Variants in SUPT3H observed in about 807,000 individuals in gnomAD.
SUPT3H encodes transcription initiation protein SPT3 homolog.
A neutral mutation model predicts 44.3 loss-of-function variants in SUPT3H; 44 were observed. The observed-to-expected ratio is 0.99, with a 90% CI of 0.78 to 1.28. The LOEUF (loss-of-function observed/expected upper bound fraction) is 1.28, where lower values mean the gene tolerates loss of function less well. Ranked by LOEUF, SUPT3H falls within the 50% of genes most tolerant of loss-of-function variation. SUPT3H has a pLI of 0.00. For missense variants in SUPT3H, 380 were observed against 387.1 expected, an observed-to-expected ratio of 0.98 and a Z score of 0.15; for synonymous variants, 124 against 125.6, an observed-to-expected ratio of 0.99 and a Z score of 0.09.
chr6:44,813,860 T>C (rs1236111238), intron 11 of SUPT3H, among the ~76,000 whole-genome samples: 1 of 151,802 alleles, frequency 6.6e-6, no homozygotes, highest in Non-Finnish European at 1.5e-5. Context: ...ATATAATGTA[T>C]GGTTAAAAAA....
intron 3 of SUPT3H, among the ~76,000 whole-genome samples, chr6:45,027,438 C>T (rs765941919): frequency 1.3e-4 from 20 of 152,110 alleles, no homozygotes; most frequent in Non-Finnish European, 2.8e-4. Flanking sequence ...AATCCTTGTA[C>T]ATTAATTTTA....
intron 2 of SUPT3H, among the ~76,000 whole-genome samples, chr6:45,352,158 C>T (rs576144849): frequency 6.6e-6 from 1 of 152,266 alleles, no homozygotes; most frequent in East Asian, 1.9e-4. Context: ...AGCAATCTAA[C>T]TAAAAATCCT....
At chr6:45,365,355 G>T in intron 1 of SUPT3H, 54 bp from the exon 2 acceptor site, 1 of 1,158,590 alleles carries the variant, frequency 8.6e-7, no homozygotes, top group African/African-American at 1.6e-5. Context: ...ATAAGTAAAT[G>T]CAAAAAAAAA....
Position 45,281,293 on chromosome 6 carries a change from C to G in SUPT3H, c.101+83908G>C, listed in dbSNP as rs1417445938. ...AAGCATAAATCGAAGTAGGGCAAGG[C>G]ATCGCATCACCCGCGAAGCGCAAGG... On this transcript the variant is annotated intron_variant, in intron 2 of 10. Coordinates refer to ENST00000371459, the MANE Select transcript of SUPT3H (RefSeq NM_003599.4). Among the ~76,000 whole-genome samples the G allele has an allele frequency of 5.3e-5, 8 of 152,330 alleles. No individual in the cohort carries two copies. In the East Asian group the frequency reaches 1.5e-3, roughly 29 times the overall value.
rs1338192149 is a variant in SUPT3H at position 45,076,355 on chromosome 6, CT to C, written c.186+29566del. ...TATGAACTATGCAAAGGTTTTACAG[CT>C]GGTTTTGATCAGCTTCCTTTGTTTA... On this transcript the variant is annotated intron_variant, in intron 3 of 10. Transcript: ENST00000371459. Among the ~76,000 whole-genome samples the C allele has an allele frequency of 2.6e-5, 4 of 152,182 alleles. No individual in the cohort carries two copies. The East Asian group carries it at 5.8e-4, about 22-fold the overall frequency.
chr6:44,896,989 G>C (rs1280672514), intron 10 of SUPT3H, among the ~76,000 whole-genome samples: 1 of 152,164 alleles, frequency 6.6e-6, no homozygotes, highest in Non-Finnish European at 1.5e-5. Context: ...ATCTATTTCT[G>C]AGTATGTGAC....
At chr6:45,118,934 A>C (rs1375974909) in intron 2 of SUPT3H, among the ~76,000 whole-genome samples, 1 of 152,184 alleles carries the variant, frequency 6.6e-6, no homozygotes, top group African/African-American at 2.4e-5. Context: ...CACTGCCATG[A>C]AAGTATGACA....
Position 45,018,660 on chromosome 6 carries a change from C to T in SUPT3H, c.273+1886G>A, listed in dbSNP as rs192600197. ...ATGCTGGATTACATTTATTGATTTG[C>T]GTATATTGAACTAGCCTTGCATACC... is the stretch of plus-strand genomic sequence containing the variant. On this transcript the variant is annotated intron_variant, in intron 4 of 10. Coordinates refer to ENST00000371459, the MANE Select transcript of SUPT3H (RefSeq NM_003599.4). 2.3e-3 allele frequency among the ~76,000 whole-genome samples: 344 copies of T among 151,990 alleles called. 3 individuals are homozygous for T. Among genetic ancestry groups the T allele is most frequent in the African/African-American group, 7.6e-3 (315 of 41,502 alleles).
intron 2 of SUPT3H, among the ~76,000 whole-genome samples, chr6:45,302,006 G>C (rs2149929482): frequency 6.6e-6 from 1 of 152,196 alleles, no homozygotes; most frequent in African/African-American, 2.4e-5. Context: ...TTTTGAGATG[G>C]GCCAGTTTTC....
At chr6:45,339,786 T>G (rs1789379074) in intron 2 of SUPT3H, among the ~76,000 whole-genome samples, 1 of 152,208 alleles carries the variant, frequency 6.6e-6, no homozygotes, top group Non-Finnish European at 1.5e-5. Context: ...TTAGACAACA[T>G]ATTTTGAAAA....
At chr6:45,342,243 T>C (rs1789938327) in intron 2 of SUPT3H, among the ~76,000 whole-genome samples, 1 of 152,070 alleles carries the variant, frequency 6.6e-6, no homozygotes, top group Admixed American at 6.6e-5. Flanking sequence ...AAAAATAGAA[T>C]ACTAAGTTAT....
chr6:45,253,797 T>A (rs554364067), intron 2 of SUPT3H, among the ~76,000 whole-genome samples: 1 of 138,864 alleles, frequency 7.2e-6, no homozygotes, highest in Non-Finnish European at 1.6e-5. Context: ...CTAAAATAAA[T>A]AAATAAAATG....
intron 2 of SUPT3H, among the ~76,000 whole-genome samples, chr6:45,333,686 C>T (rs1194331511): frequency 6.6e-6 from 1 of 151,098 alleles, no homozygotes; most frequent in Non-Finnish European, 1.5e-5. Flanking sequence ...AAAAAACAAT[C>T]CCCAAATAAG....
chr6:45,179,863 T>A (rs886183743), intron 2 of SUPT3H, among the ~76,000 whole-genome samples: 6 of 152,216 alleles, frequency 3.9e-5, no homozygotes, highest in Admixed American at 1.3e-4. Context: ...ATGGAAGTTC[T>A]GTCCAGGGCA....
intron 2 of SUPT3H, among the ~76,000 whole-genome samples, chr6:45,311,353 G>C (rs895488133): frequency 6.6e-6 from 1 of 152,136 alleles, no homozygotes; most frequent in African/African-American, 2.4e-5. Context: ...GTGTTCCTGA[G>C]GAAGAAGACA....
chr6:45,293,642 C>A (rs1780655599), intron 2 of SUPT3H, among the ~76,000 whole-genome samples: 1 of 151,996 alleles, frequency 6.6e-6, no homozygotes, highest in South Asian at 2.1e-4. Flanking sequence ...CAGTGAGAAA[C>A]AATACATGTG....
chr6:44,826,280 T>G (rs1767744236), downstream of SUPT3H, among the ~76,000 whole-genome samples: 1 of 152,220 alleles, frequency 6.6e-6, no homozygotes, highest in Non-Finnish European at 1.5e-5. Context: ...CAAAAACTGC[T>G]AGAGTTCCCT....
At chr6:45,032,593 A>G (rs1370911314) in intron 3 of SUPT3H, among the ~76,000 whole-genome samples, 2 of 152,180 alleles carry the variant, frequency 1.3e-5, no homozygotes, top group Non-Finnish European at 2.9e-5. Flanking sequence ...AGATTCATTC[A>G]CATCAGGATA....
intron 2 of SUPT3H, among the ~76,000 whole-genome samples, chr6:45,213,009 C>T (rs947062231): frequency 2.0e-5 from 3 of 152,120 alleles, no homozygotes; most frequent in African/African-American, 7.2e-5. Flanking sequence ...TGAATGTAAA[C>T]GCAAAAATAT....
Sources: allele counts gnomAD v4.1 joint callset (sites outside exome capture counted in the v4.1 genomes callset), GRCh38; gene constraint gnomAD v4.1.1; transcripts MANE v1.5; gene names NCBI Gene and HGNC (gene_info 2026-07-23, HGNC 2026-07-21).